CABCOCO1: variants seen among roughly 807,000 people sequenced by gnomAD.
CABCOCO1 encodes the protein ciliary associated calcium binding coiled-coil 1, also known as ciliary-associated calcium-binding coiled-coil protein 1.
A neutral mutation model predicts 35.7 loss-of-function variants in CABCOCO1; 28 were observed. The observed-to-expected ratio is 0.78, with a 90% CI of 0.58 to 1.07. The LOEUF (loss-of-function observed/expected upper bound fraction) is 1.07, where lower values mean the gene tolerates loss of function less well. CABCOCO1 is among the 50% of genes least tolerant of loss of function. CABCOCO1 has a pLI of 0.00. For synonymous variants in CABCOCO1, 95 were observed against 100.1 expected (o/e 0.95, Z 0.30); for missense variants, 326 against 309.2 (o/e 1.05, Z -0.41).
intron 5 of CABCOCO1, among the ~76,000 whole-genome samples, chr10:61,734,335 C>CATTT (rs1440156607): frequency 6.6e-6 from 1 of 151,924 alleles, no homozygotes; most frequent in Non-Finnish European, 1.5e-5. Context: ...TTTCCTTTTG[C>CATTT]ATTTCCTCTT....
chr10:61,671,672 C>G (rs1839364417), intron 1 of CABCOCO1, among the ~76,000 whole-genome samples: 1 of 152,128 alleles, frequency 6.6e-6, no homozygotes, highest in South Asian at 2.1e-4. Flanking sequence ...CCAAGGAGAC[C>G]GGAGCAGCCC....
At chr10:61,765,431 T>C (rs1008701017) in intron 7 of CABCOCO1, among the ~76,000 whole-genome samples, 10 of 152,334 alleles carry the variant, frequency 6.6e-5, no homozygotes, top group Non-Finnish European at 1.0e-4. Flanking sequence ...TTCCAAGAGT[T>C]CTAATGTATG....
At chr10:61,682,904 T>TTTTTTTTTTAAAA (rs1839841006) in intron 3 of CABCOCO1, among the ~76,000 whole-genome samples, 1 of 151,008 alleles carries the variant, frequency 6.6e-6, no homozygotes. Context: ...TTTTTTTTTT[T>TTTTTTTTTTAAAA]AAGACAGATT....
intron 5 of CABCOCO1, among the ~76,000 whole-genome samples, chr10:61,745,352 A>G (rs1411644865): frequency 6.6e-6 from 1 of 152,122 alleles, no homozygotes; most frequent in Non-Finnish European, 1.5e-5. Context: ...TTGGGTAACT[A>G]TTATGAGGCT....
intron 5 of CABCOCO1, among the ~76,000 whole-genome samples, chr10:61,721,837 G>A (rs1005933126): frequency 3.3e-5 from 5 of 152,112 alleles, no homozygotes; most frequent in African/African-American, 1.2e-4. Flanking sequence ...TCTTTATTAG[G>A]AATCAACACC....
At chr10:61,681,086 A>G in intron 2 of CABCOCO1, 57 bp from the exon 3 acceptor site, 1 of 1,104,820 alleles carries the variant, frequency 9.1e-7, no homozygotes, top group South Asian at 2.1e-5. Flanking sequence ...AACTTAGGAA[A>G]GAAATGGTTC....
chr10:61,752,195 C>A (rs1476521588), intron 5 of CABCOCO1, among the ~76,000 whole-genome samples: 5 of 151,978 alleles, frequency 3.3e-5, no homozygotes, highest in Non-Finnish European at 7.4e-5. Context: ...GGCTGCCTTG[C>A]CTAGGAGGAA....
At chr10:61,671,041 G>C (rs1031654388) in intron 1 of CABCOCO1, among the ~76,000 whole-genome samples, 1 of 152,180 alleles carries the variant, frequency 6.6e-6, no homozygotes. Context: ...GTATAAAAAG[G>C]GTTGGCTGGG....
At chr10:61,687,365 C>A (rs1451411364) in intron 4 of CABCOCO1, among the ~76,000 whole-genome samples, 1 of 152,106 alleles carries the variant, frequency 6.6e-6, no homozygotes, top group Non-Finnish European at 1.5e-5. Flanking sequence ...GTCTTTCTAC[C>A]CATCAGGGTT....
At chr10:61,680,555 A>ATATGTTATATTATGTTATATATAAC (rs1491468579) in intron 2 of CABCOCO1, among the ~76,000 whole-genome samples, 1 of 19,130 alleles carries the variant, frequency 5.2e-5, no homozygotes, top group African/African-American at 1.8e-4. Flanking sequence ...TATAACATAT[A>ATATGTTATATTATGTTATATATAAC]ATATATATTT....
intron 5 of CABCOCO1, among the ~76,000 whole-genome samples, chr10:61,702,594 AT>A (rs1467335833): frequency 6.6e-6 from 1 of 152,136 alleles, no homozygotes; most frequent in Non-Finnish European, 1.5e-5. Context: ...AGGGTTATAT[AT>A]TTTTATTGAT....
chr10:61,714,643 G>T (rs1298038633), intron 5 of CABCOCO1, among the ~76,000 whole-genome samples: 1 of 152,062 alleles, frequency 6.6e-6, no homozygotes, highest in African/African-American at 2.4e-5. Context: ...TCTTTTGTGG[G>T]CATTTAGTGC....
intron 5 of CABCOCO1, among the ~76,000 whole-genome samples, chr10:61,727,485 T>G (rs1384155834): frequency 2.0e-5 from 3 of 152,130 alleles, no homozygotes; most frequent in Non-Finnish European, 4.4e-5. Flanking sequence ...GAATGTATAA[T>G]CAAACCCCTT....
At chr10:61,751,144 A>G (rs954397543) in intron 5 of CABCOCO1, among the ~76,000 whole-genome samples, 12 of 151,674 alleles carry the variant, frequency 7.9e-5, no homozygotes, top group Admixed American at 2.0e-4. Flanking sequence ...CAGCACAGGC[A>G]ATACAGGGCT....
intron 1 of CABCOCO1, among the ~76,000 whole-genome samples, chr10:61,672,230 T>C (rs143352598): frequency 6.6e-6 from 1 of 152,194 alleles, no homozygotes; most frequent in Non-Finnish European, 1.5e-5. Context: ...GCATGTATTA[T>C]GGCTTACTTG....
intron 5 of CABCOCO1, among the ~76,000 whole-genome samples, chr10:61,707,759 C>A (rs2132024860): frequency 6.6e-6 from 1 of 152,140 alleles, no homozygotes; most frequent in Non-Finnish European, 1.5e-5. Context: ...AAGAAATCTC[C>A]TGAAAATATA....
chr10:61,709,633 G>A (rs1225439567), intron 5 of CABCOCO1, among the ~76,000 whole-genome samples: 4 of 121,674 alleles, frequency 3.3e-5, no homozygotes, highest in African/African-American at 1.0e-4. Context: ...CAAAGAAGTG[G>A]AAATTTTTTT....
At chr10:61,721,221 G>C (rs1025915840) in intron 5 of CABCOCO1, among the ~76,000 whole-genome samples, 3 of 151,158 alleles carry the variant, frequency 2.0e-5, no homozygotes, top group Non-Finnish European at 3.0e-5. Context: ...ACTGTGCCCG[G>C]CCCCACCTCT....
At chr10:61,740,822 C>G (rs1317262799) in intron 5 of CABCOCO1, among the ~76,000 whole-genome samples, 1 of 152,052 alleles carries the variant, frequency 6.6e-6, no homozygotes, top group Non-Finnish European at 1.5e-5. Context: ...AATCATAACT[C>G]CCCAAAATTG....
Sources: allele counts gnomAD v4.1 joint callset (sites outside exome capture counted in the v4.1 genomes callset), GRCh38; gene constraint gnomAD v4.1.1; transcripts MANE v1.5; gene names NCBI Gene and HGNC (gene_info 2026-07-23, HGNC 2026-07-21).